Variants in PCDHGA4 observed in about 807,000 individuals in gnomAD.
The protein encoded by PCDHGA4 is protocadherin gamma-A4.
A neutral mutation model predicts 54.6 loss-of-function variants in PCDHGA4; 38 were observed. That is an observed-to-expected ratio of 0.70 (90% CI 0.54 to 0.91). The LOEUF is 0.91. Ranked by LOEUF, PCDHGA4 falls within the 40% of genes least tolerant of loss-of-function variation. The pLI, the probability that PCDHGA4 is intolerant of heterozygous loss-of-function variation, is 0.00. For missense variants in PCDHGA4, 1,298 were observed against 1,220.9 expected, an observed-to-expected ratio of 1.06 and a Z score of -0.94; for synonymous variants, 511 against 512.9, an observed-to-expected ratio of 1.00 and a Z score of 0.05.
intron 1 of PCDHGA4, among the ~76,000 whole-genome samples, chr5:141,488,802 A>G (rs910422824): frequency 2.0e-5 from 3 of 152,294 alleles, no homozygotes; most frequent in Middle Eastern, 3.4e-3. Flanking sequence ...CCTGTTGAGT[A>G]CCATCTGAGC....
In PCDHGA4 at chr5:141,405,165, C is replaced by G. The variant is rs745998723; in HGVS notation, c.2514+47544C>G. 1.9e-6 allele frequency: 3 copies of G among 1,613,978 alleles called. No individual in the cohort carries two copies. In the South Asian group the frequency reaches 3.3e-5, roughly 18 times the overall value. On this transcript the variant is annotated intron_variant, in intron 1 of 3. Transcript: ENST00000571252. Reference sequence around the variant, plus strand: ...GATGGGTTGGCTGGTGTGCCCACCTCACACTTTGTGGGTGTAGATGGGGTT... The same window carrying G: ...GATGGGTTGGCTGGTGTGCCCACCTGACACTTTGTGGGTGTAGATGGGGTT...
chr5:141,433,307 C>A, intron 1 of PCDHGA4: 1 of 913,756 alleles, frequency 1.1e-6, no homozygotes, highest in Non-Finnish European at 1.6e-6. Flanking sequence ...AATTATCCCA[C>A]CTTTGCCTCC....
intron 1 of PCDHGA4, chr5:141,383,265 A>AAT: frequency 6.2e-7 from 1 of 1,613,948 alleles, no homozygotes; most frequent in African/African-American, 1.3e-5. Flanking sequence ...TAGACGTGGA[A>AAT]ATAATAGATA....
At chr5:141,369,230 G>A (rs1003711294) in intron 1 of PCDHGA4, among the ~76,000 whole-genome samples, 4 of 152,068 alleles carry the variant, frequency 2.6e-5, no homozygotes, top group Non-Finnish European at 4.4e-5. Flanking sequence ...TGGACAGGAA[G>A]ATTACTTATA....
At chr5:141,360,116 G>A in intron 1 of PCDHGA4, 1 of 1,570,542 alleles carries the variant, frequency 6.4e-7, no homozygotes, top group South Asian at 1.2e-5. Flanking sequence ...TATGGGCAAA[G>A]GAGCAAAGGG....
At chr5:141,394,371 T>C (rs753598001) in intron 1 of PCDHGA4, 5 of 1,614,056 alleles carry the variant, frequency 3.1e-6, no homozygotes, top group Non-Finnish European at 4.2e-6. Context: ...GCTGCAATCT[T>C]TCGACTATGA....
chr5:141,395,542 T>TTGTTTGTGTGTG (rs1267535064), intron 1 of PCDHGA4: 12 of 168,716 alleles, frequency 7.1e-5, no homozygotes, highest in African/African-American at 6.9e-4. Flanking sequence ...TTGCTATTGT[T>TTGTTTGTGTGTG]TGTGTGTGTG....
Position 141,477,685 on chromosome 5 carries a change from G to A in PCDHGA4, c.2515-17122G>A, listed in dbSNP as rs1218415502. ...ACAATGGCATAGTGTCATCCTTAGT[G>A]CCCCTAGACTATGAGGATCGGCGGG... On this transcript the variant is annotated intron_variant, in intron 1 of 3. Transcript: ENST00000571252. This position sits in a 1 kb window ranked among gnomAD's most constrained non-coding sequence, Gnocchi z 4.9. The A allele has an allele frequency of 6.2e-7, 1 of 1,614,116 alleles. No individual in the cohort carries two copies. The highest frequency in any genetic ancestry group is 8.5e-7 in the Non-Finnish European group (1 of 1,180,040).
chr5:141,358,814 G>A (rs1210992223), intron 1 of PCDHGA4, among the ~76,000 whole-genome samples: 1 of 152,204 alleles, frequency 6.6e-6, no homozygotes. Context: ...GATTTACGCT[G>A]CTTAGTAAGG....
chr5:141,384,609 T>C (rs967686346), intron 1 of PCDHGA4: 1 of 1,614,148 alleles, frequency 6.2e-7, no homozygotes, highest in South Asian at 1.1e-5. Context: ...TCCCCACAGA[T>C]GGTTCTACTG....
rs765106092 is a variant in PCDHGA4, at chr5:141,356,705, C to T, written c.1598C>T (p.Ser533Phe). Reference sequence around the variant, plus strand: ...GACACCTTCCAGGGTGCACCTCTGTCCTCCTATGTCTCCATCAACTCCAAT... The same window carrying T: ...GACACCTTCCAGGGTGCACCTCTGTTCTCCTATGTCTCCATCAACTCCAAT... ...AEDTFQGAPL[S>F]SYVSINSNTG... is the part of the protein sequence containing the mutation. The change falls in exon 1 of 4, where the codon TCC (serine) becomes TTC (phenylalanine). Residue 533 changes from serine to phenylalanine, a missense_variant. Coordinates refer to ENST00000571252, the MANE Select transcript of PCDHGA4 (RefSeq NM_018917.4). 6.2e-7 allele frequency: 1 copy of T among 1,614,020 alleles called. No individual in the cohort carries two copies. The highest frequency in any genetic ancestry group is 8.5e-7 in the Non-Finnish European group (1 of 1,179,888).
intron 1 of PCDHGA4, chr5:141,372,143 G>A: frequency 6.2e-7 from 1 of 1,613,784 alleles, no homozygotes. Context: ...GCTCTGCAGA[G>A]CCTGGCTACC....
In PCDHGA4 at chr5:141,476,149, A is replaced by T. The variant is rs1042362185; in HGVS notation, c.2515-18658A>T. The stretch of plus-strand genomic sequence containing the variant: ...CAGAGGCCTGGAGGAGCGGACTGGT[A>T]AGCACCGGGAGGGTAGTGGGAGTTT... On this transcript the variant is annotated intron_variant, in intron 1 of 3. Transcript: ENST00000571252. This position sits in a 1 kb window ranked among gnomAD's most constrained non-coding sequence, Gnocchi z 7.6. 4 of 1,611,688 alleles carry T rather than the reference A, an allele frequency of 2.5e-6. No individual in the cohort carries two copies. In the African/African-American group the frequency reaches 5.3e-5, roughly 22 times the overall value.
chr5:141,424,195 A>C (rs2096804945), intron 1 of PCDHGA4: 1 of 183,680 alleles, frequency 5.4e-6, no homozygotes, highest in Non-Finnish European at 1.1e-5. Context: ...ACACACTTAT[A>C]CACGTAAGCT....
At chr5:141,453,481 TA>T (rs1178324090) in intron 1 of PCDHGA4, among the ~76,000 whole-genome samples, 1 of 151,928 alleles carries the variant, frequency 6.6e-6, no homozygotes, top group Non-Finnish European at 1.5e-5. Context: ...TCAAAACTAT[TA>T]AAAAAAGGTG....
Position 141,356,635 on chromosome 5 carries a change from C to G in PCDHGA4, c.1528C>G (p.Pro510Ala), listed in dbSNP as rs1308841461. 8.1e-6 allele frequency: 13 copies of G among 1,614,022 alleles called. No individual in the cohort carries two copies. Among genetic ancestry groups the G allele is most frequent in the Non-Finnish European group, 1.1e-5 (13 of 1,179,990 alleles). ...ASILSMTAQD[P>A]DSGDNARITY... is the part of the protein sequence containing the mutation. ...CATCTTATCTATGACTGCTCAAGAC[C>G]CTGACAGTGGTGACAATGCCCGAAT... is the stretch of plus-strand genomic sequence containing the variant. Residue 510 changes from proline (P) to alanine (A), a missense_variant, in exon 1 of 4, where the codon CCT becomes GCT. By Grantham distance (27) the Pro-to-Ala change is conservative (BLOSUM62 -1). Coordinates refer to ENST00000571252, the MANE Select transcript of PCDHGA4 (RefSeq NM_018917.4).
intron 2 of PCDHGA4, among the ~76,000 whole-genome samples, chr5:141,502,827 A>G (rs1003204508): frequency 2.7e-5 from 4 of 150,478 alleles, no homozygotes; most frequent in African/African-American, 9.8e-5. Flanking sequence ...TCCTTGGGGA[A>G]GCCTGGACTG....
chr5:141,415,533 G>C lies in PCDHGA4; in HGVS notation c.2514+57912G>C, dbSNP rs749139053. On this transcript the variant is annotated intron_variant, in intron 1 of 3. Coordinates refer to ENST00000571252, the MANE Select transcript of PCDHGA4 (RefSeq NM_018917.4). ...ATTATGCGGACACGCTCATCAGCCA[G>C]GAGAGCTGTGAGAAAAACGATCCTT... is the stretch of plus-strand genomic sequence containing the variant. 1.4e-5 allele frequency: 22 copies of C among 1,614,080 alleles called. No individual in the cohort carries two copies. Among genetic ancestry groups the C allele is most frequent in the Non-Finnish European group, 1.9e-5 (22 of 1,180,042 alleles).
At chr5:141,417,423 C>T (rs1252792899) in intron 1 of PCDHGA4, 1 of 159,686 alleles carries the variant, frequency 6.3e-6, no homozygotes, top group African/African-American at 2.4e-5. Context: ...TATGTAAATT[C>T]AGTAAATAAA....
Sources: allele counts gnomAD v4.1 joint callset (sites outside exome capture counted in the v4.1 genomes callset), GRCh38; gene constraint gnomAD v4.1.1; non-coding constraint Gnocchi (gnomAD v3.1); transcripts MANE v1.5; gene names NCBI Gene and HGNC (gene_info 2026-07-23, HGNC 2026-07-21).